PTPRD: variants seen among roughly 807,000 people sequenced by gnomAD.
The protein encoded by PTPRD is protein tyrosine phosphatase receptor type D, also known as receptor-type tyrosine-protein phosphatase delta.
Under a neutral mutation model 214.5 loss-of-function variants are expected in PTPRD, and 34 were observed. That is an observed-to-expected ratio of 0.16 (90% CI 0.12 to 0.21). The LOEUF (loss-of-function observed/expected upper bound fraction) is 0.21. Among genes scored for constraint, PTPRD ranks in the 10% least tolerant of loss-of-function variants. The pLI is 1.00. For synonymous variants in PTPRD, 1,128 were observed against 845.7 expected, an observed-to-expected ratio of 1.33 and a Z score of -5.79; for missense variants, 2,545 against 2,398.7, an observed-to-expected ratio of 1.06 and a Z score of -1.27.
intron 3 of PTPRD, among the ~76,000 whole-genome samples, chr9:10,300,435 G>C (rs937279411): frequency 1.3e-5 from 2 of 152,172 alleles, no homozygotes; most frequent in African/African-American, 4.8e-5. Context: ...CTGGAAAGGG[G>C]GCTGAAGCCA....
chr9:10,125,422 T>TA (rs2098809164), intron 3 of PTPRD, among the ~76,000 whole-genome samples: 2 of 119,028 alleles, frequency 1.7e-5, no homozygotes, highest in South Asian at 5.5e-4. Flanking sequence ...TTTTGTTTTA[T>TA]TTTATTATTA....
At chr9:9,767,698 T>C (rs1004561843) in intron 5 of PTPRD, among the ~76,000 whole-genome samples, 3 of 152,136 alleles carry the variant, frequency 2.0e-5, no homozygotes, top group Non-Finnish European at 4.4e-5. Flanking sequence ...AATCTATTTA[T>C]CTTGTGATCT....
chr9:9,700,995 C>T (rs1279141565), intron 7 of PTPRD, among the ~76,000 whole-genome samples: 1 of 151,504 alleles, frequency 6.6e-6, no homozygotes, highest in African/African-American at 2.4e-5. Context: ...GTACTTCATT[C>T]CCCTAGAAGT....
chr9:8,996,444 G>A (rs527574220), intron 11 of PTPRD, among the ~76,000 whole-genome samples: 9 of 152,210 alleles, frequency 5.9e-5, no homozygotes, highest in African/African-American at 1.9e-4. Flanking sequence ...AGCAAACAGA[G>A]CAGTTGTTGC....
Position 10,113,527 on chromosome 9 carries a change from T to C in PTPRD, c.-544-79737A>G, listed in dbSNP as rs201897843. On this transcript the variant is annotated intron_variant, in intron 3 of 45. Coordinates refer to ENST00000381196, the MANE Select transcript of PTPRD (RefSeq NM_002839.4). ...TTAGAGATAATGGATGCCATGTTTT[T>C]CAAACTTATCCAATGATAATGATCA... Among the ~76,000 whole-genome samples, 4 of 152,316 alleles carry C rather than the reference T, an allele frequency of 2.6e-5. 1 individual carries two copies. In the East Asian group the frequency reaches 7.7e-4, roughly 29 times the overall value.
At chr9:10,144,179 A>G (rs1039976245) in intron 3 of PTPRD, among the ~76,000 whole-genome samples, 4 of 152,154 alleles carry the variant, frequency 2.6e-5, no homozygotes, top group African/African-American at 7.2e-5. Flanking sequence ...TTATCTTTTT[A>G]ACAATTCTTA....
At position 9,358,819 on chromosome 9, in the gene PTPRD, G is replaced by C. The variant is rs776230888; in HGVS notation, c.-203+38630C>G. Among the ~76,000 whole-genome samples the C allele has an allele frequency of 4.6e-5, 7 of 151,226 alleles. No homozygotes were observed. The South Asian group carries it at 8.3e-4, about 18-fold the overall frequency. ...AATCATTAACGTCATTAAGCTGCTT[G>C]TTTCTTAATCGCATTCTTGTATAGG... On this transcript the variant is annotated intron_variant, in intron 9 of 45. Transcript: ENST00000381196.
intron 14 of PTPRD, among the ~76,000 whole-genome samples, chr9:8,632,530 T>C (rs1009491895): frequency 2.0e-5 from 3 of 151,888 alleles, no homozygotes; most frequent in Admixed American, 6.6e-5. Context: ...AGGCACAGAA[T>C]AGTTAATCTG....
chr9:8,919,966 A>G (rs535005131), intron 11 of PTPRD, among the ~76,000 whole-genome samples: 2 of 149,124 alleles, frequency 1.3e-5, no homozygotes, highest in African/African-American at 4.9e-5. Context: ...ATACGTGTGT[A>G]TGCATGTATT....
chr9:8,558,714 T>A (rs1056403011), intron 14 of PTPRD, among the ~76,000 whole-genome samples: 1 of 152,212 alleles, frequency 6.6e-6, no homozygotes, highest in Non-Finnish European at 1.5e-5. Context: ...GTCATCACTA[T>A]CCATTTAGTT....
At position 9,808,950 on chromosome 9, in the gene PTPRD, AT is replaced by A. The variant is rs59065058; in HGVS notation, c.-367-42100del. Among the ~76,000 whole-genome samples, 802 of 142,272 alleles carry A rather than the reference AT, an allele frequency of 5.6e-3. 6 individuals are homozygous for A. Among genetic ancestry groups the A allele is most frequent in the Admixed American group, 9.7e-3 (139 of 14,314 alleles). 93.3% of individuals were successfully genotyped at this position (142,272 alleles called of 152,430 possible). On this transcript the variant is annotated intron_variant, in intron 5 of 45. Transcript: ENST00000381196. ...AATGCCTGGCTAATTTTTATTTTGT[AT>A]TTTTTTTTTTTTTTTGTAGAAACAA...
At chr9:9,300,519 A>G (rs187296590) in intron 9 of PTPRD, among the ~76,000 whole-genome samples, 1 of 151,822 alleles carries the variant, frequency 6.6e-6, no homozygotes, top group Non-Finnish European at 1.5e-5. Context: ...CATGTGTTGA[A>G]ATTGTAACTC....
rs2098531208 is a variant in PTPRD, at chr9:10,099,607, A to C, written c.-544-65817T>G. Among the ~76,000 whole-genome samples, 3 of 151,828 alleles carry C rather than the reference A, an allele frequency of 2.0e-5. 1 individual carries two copies. The Admixed American group carries it at 2.0e-4, about 10-fold the overall frequency. ...ATAAAACTTTGATGTATTTCATATTAATTATTATGCTCACTTGAAAAGGCC... is the reference window on the plus strand; with the variant it reads ...ATAAAACTTTGATGTATTTCATATTCATTATTATGCTCACTTGAAAAGGCC... On this transcript the variant is annotated intron_variant, in intron 3 of 45. Transcript: ENST00000381196.
chr9:9,475,807 C>A (rs923162559), intron 8 of PTPRD, among the ~76,000 whole-genome samples: 1 of 152,146 alleles, frequency 6.6e-6, no homozygotes, highest in African/African-American at 2.4e-5. Context: ...ACTTGGCAAT[C>A]TGAAGTTTCA....
intron 7 of PTPRD, among the ~76,000 whole-genome samples, chr9:9,651,912 G>C (rs2096368851): frequency 7.2e-6 from 1 of 138,510 alleles, no homozygotes. Flanking sequence ...TTGGCTCACT[G>C]CAAGTTCCGT....
Position 9,464,039 on chromosome 9 carries a change from A to G in PTPRD, c.-236-66557T>C, listed in dbSNP as rs534594420. ...AATTCCTGTTTTCTCAAACATGGTT[A>G]CATTTATTCCCAACTATATTAACCC... On this transcript the variant is annotated intron_variant, in intron 8 of 45. Transcript: ENST00000381196. Among the ~76,000 whole-genome samples, 9 of 152,284 alleles carry G rather than the reference A, an allele frequency of 5.9e-5. No individual in the cohort carries two copies. In the South Asian group the frequency reaches 1.9e-3, roughly 32 times the overall value.
chr9:8,509,854 T>C (rs2097640442), intron 21 of PTPRD, among the ~76,000 whole-genome samples: 3 of 152,186 alleles, frequency 2.0e-5, no homozygotes, highest in African/African-American at 7.2e-5. Context: ...CTTTTTATTC[T>C]TGCACAAAGC....
chr9:10,076,994 T>G (rs1426372312), intron 3 of PTPRD, among the ~76,000 whole-genome samples: 1 of 152,140 alleles, frequency 6.6e-6, no homozygotes, highest in African/African-American at 2.4e-5. Context: ...TATTTCCCTT[T>G]TCCTTGCAAA....
intron 7 of PTPRD, among the ~76,000 whole-genome samples, chr9:9,728,802 G>C (rs1053132618): frequency 6.6e-6 from 1 of 152,092 alleles, no homozygotes; most frequent in Non-Finnish European, 1.5e-5. Flanking sequence ...TTAGAAAGTA[G>C]ACCATTTTGA....
Sources: gnomAD v4.1 joint callset for allele counts (sites outside exome capture counted in the v4.1 genomes callset) on GRCh38, gnomAD v4.1.1 for gene constraint, MANE v1.5 for transcripts, NCBI Gene and HGNC (gene_info 2026-07-23, HGNC 2026-07-21) for gene names.